Variants in HEPHL1 observed in about 807,000 individuals in gnomAD.
HEPHL1 encodes ferroxidase HEPHL1.
A neutral mutation model predicts 122.0 loss-of-function variants in HEPHL1; 123 were observed. The ratio of observed to expected loss-of-function variants is 1.01; its 90% CI spans 0.87 to 1.17. The LOEUF is 1.17. Ranked by LOEUF, HEPHL1 falls within the 50% of genes most tolerant of loss-of-function variation. HEPHL1 has a pLI of 0.00. For missense variants in HEPHL1, 1,452 were observed against 1,430.5 expected, an observed-to-expected ratio of 1.01 and a Z score of -0.24; for synonymous variants, 527 against 508.9, an observed-to-expected ratio of 1.04 and a Z score of -0.48.
At chr11:94,021,640 G>C in intron 1 of HEPHL1, 102 bp downstream of exon 1, 1 of 881,590 alleles carries the variant, frequency 1.1e-6, no homozygotes, top group Non-Finnish European at 1.8e-6. Flanking sequence ...GGGGTGAGTT[G>C]ATCTAGACCA....
At chr11:94,026,659 AC>A (rs1171231782) in intron 1 of HEPHL1, among the ~76,000 whole-genome samples, 1 of 152,202 alleles carries the variant, frequency 6.6e-6, no homozygotes, top group African/African-American at 2.4e-5. Flanking sequence ...AGGTTAGCAC[AC>A]CATGAAGTGG....
chr11:94,032,225 A>G (rs1945681946), intron 1 of HEPHL1, among the ~76,000 whole-genome samples: 1 of 152,176 alleles, frequency 6.6e-6, no homozygotes, highest in Admixed American at 6.5e-5. Context: ...TGGCCTTTAG[A>G]TCTGAGACCC....
chr11:94,105,956 C>G lies in HEPHL1; in HGVS notation c.2906-35C>G, dbSNP rs376983581. The G allele has an allele frequency of 3.2e-5, 46 of 1,459,796 alleles. No homozygotes were observed. In the Middle Eastern group the frequency reaches 9.0e-4, roughly 29 times the overall value. The allele number at this position is 1,459,796 out of a possible 1,614,324, so 90.4% of individuals were successfully genotyped here. Reference sequence around the variant, plus strand: ...TTTAAAAAATCAGCTTATCTTTTAACTAACCAAAGGTTATTTTCTTATCAC... The same window carrying G: ...TTTAAAAAATCAGCTTATCTTTTAAGTAACCAAAGGTTATTTTCTTATCAC... On this transcript the variant is annotated intron_variant, in intron 16 of 19. Transcript: ENST00000315765.
chr11:94,054,429 A>G (rs1181470954), intron 2 of HEPHL1, among the ~76,000 whole-genome samples: 1 of 151,166 alleles, frequency 6.6e-6, no homozygotes, highest in Non-Finnish European at 1.5e-5. Context: ...CAACAGAAGC[A>G]GATTCTTCAA....
intron 1 of HEPHL1, among the ~76,000 whole-genome samples, chr11:94,037,239 T>C (rs1945734126): frequency 6.6e-6 from 1 of 151,986 alleles, no homozygotes; most frequent in African/African-American, 2.4e-5. Context: ...GTCTCGCTGA[T>C]TGCTAGCACA....
In HEPHL1 at chr11:94,111,909, C is replaced by T; in HGVS notation, c.*15C>T. The T allele has an allele frequency of 6.7e-7, 1 of 1,496,950 alleles. No individual in the cohort carries two copies. The highest frequency in any genetic ancestry group is 8.9e-7 in the Non-Finnish European group (1 of 1,122,592). 92.7% of individuals were successfully genotyped at this position (1,496,950 alleles called of 1,614,324 possible). ...ATGCTCTGTGAACCATCTGGTCTCC[C>T]TCAACAGGAAAGGGTGATGTCCCAC... On this transcript the variant is annotated 3_prime_UTR_variant, in exon 20 of 20. Transcript: ENST00000315765.
At chr11:94,045,615 A>C in intron 1 of HEPHL1, 58 bp from the exon 2 acceptor site, 2 of 1,408,882 alleles carry the variant, frequency 1.4e-6, no homozygotes, top group African/African-American at 1.4e-5. Context: ...TCCTAGTGGT[A>C]AGCTATTAGG....
chr11:94,063,699 C>T lies in HEPHL1; in HGVS notation c.607C>T (p.Pro203Ser), dbSNP rs1946008175. The part of the protein sequence containing the change: ...PKDICSGLIG[P>S]LLVCKEGILN... ...GGACATCTGCTCTGGGCTAATTGGG[C>T]CCCTGCTGGTCTGCAAGGAAGGTAA... Residue 203 changes from proline to serine, a missense_variant, in exon 3 of 20, where the codon CCC becomes TCC. Pro to Ser is a moderately conservative substitution (Grantham distance 74). Coordinates refer to ENST00000315765, the MANE Select transcript of HEPHL1 (RefSeq NM_001098672.2). 2 of 1,613,502 alleles carry T rather than the reference C, an allele frequency of 1.2e-6. No homozygotes were observed. Among genetic ancestry groups the T allele is most frequent in the Non-Finnish European group, 8.5e-7 (1 of 1,179,736 alleles).
chr11:94,064,248 A>G (rs1238571433), intron 3 of HEPHL1, 83 bp from the exon 4 acceptor site: 9 of 1,061,904 alleles, frequency 8.5e-6, no homozygotes, highest in Non-Finnish European at 1.2e-5. Flanking sequence ...ACCAAACTTC[A>G]CACTTGCCTG....
intron 1 of HEPHL1, among the ~76,000 whole-genome samples, chr11:94,030,156 A>G (rs1258799261): frequency 6.6e-6 from 1 of 152,188 alleles, no homozygotes; most frequent in Non-Finnish European, 1.5e-5. Context: ...TTTACCCATC[A>G]GGCTGAACCC....
intron 10 of HEPHL1, among the ~76,000 whole-genome samples, chr11:94,083,083 T>TAAA (rs35037205): frequency 7.0e-6 from 1 of 142,250 alleles, no homozygotes; most frequent in Non-Finnish European, 1.5e-5. Context: ...AGACTCCGTC[T>TAAA]AAAAAAAAAA....
At position 94,107,736 on chromosome 11, in the gene HEPHL1, T is replaced by C. The variant is rs1407114313; in HGVS notation, c.3045+1606T>C. Among the ~76,000 whole-genome samples the C allele has an allele frequency of 1.4e-4, 22 of 152,252 alleles. 1 individual carries two copies. Among genetic ancestry groups the C allele is most frequent in the Admixed American group, 1.4e-3 (21 of 15,286 alleles). ...ATCAGTGGTTTGTTTCTTGTGACTG[T>C]TGAGTAGTATTCCATTGTAAGGATA... On this transcript the variant is annotated intron_variant, in intron 17 of 19. Coordinates refer to ENST00000315765, the MANE Select transcript of HEPHL1 (RefSeq NM_001098672.2).
intron 1 of HEPHL1, among the ~76,000 whole-genome samples, chr11:94,038,292 C>A (rs1945744140): frequency 6.8e-6 from 1 of 147,100 alleles, no homozygotes; most frequent in African/African-American, 2.5e-5. Context: ...TTGGAAAACA[C>A]TCTGCAGGAT....
intron 13 of HEPHL1, among the ~76,000 whole-genome samples, chr11:94,100,460 T>C (rs955738067): frequency 6.6e-5 from 10 of 152,196 alleles, no homozygotes; most frequent in Non-Finnish European, 1.0e-4. Flanking sequence ...CTCATCTCCA[T>C]TGGCACCCAG....
Position 94,088,889 on chromosome 11 carries a change from G to A in HEPHL1, c.2215G>A (p.Ala739Thr), listed in dbSNP as rs889695043. Residue 739 changes from alanine (A) to threonine (T), a missense_variant, in exon 12 of 20, where the codon GCT (alanine) becomes ACT (threonine). Transcript: ENST00000315765. Reference protein sequence around the residue: ...YGMIRTFYIAAEEVEWDYAPN... With the variant: ...YGMIRTFYIATEEVEWDYAPN... ...GATGATAAGAACTTTTTACATCGCC[G>A]CTGAAGAAGTAGAATGGGATTATGC... The A allele has an allele frequency of 1.2e-6, 2 of 1,613,972 alleles. No individual in the cohort carries two copies. The highest frequency in any genetic ancestry group is 1.7e-6 in the Non-Finnish European group (2 of 1,179,884).
Position 94,112,593 on chromosome 11 carries a change from G to A in HEPHL1, c.*699G>A, listed in dbSNP as rs1211148615. The A allele has an allele frequency of 6.6e-6, 1 of 152,130 alleles. No individual in the cohort carries two copies. Among genetic ancestry groups the A allele is most frequent in the Non-Finnish European group, 1.5e-5 (1 of 68,016 alleles). 9.4% of individuals were successfully genotyped at this position (152,130 alleles called of 1,614,324 possible). ...CTTGAATGTTTACAACTCACTTCATGTTACATGTTTTTACAATATGTTTCT... is the reference window on the plus strand; with the variant it reads ...CTTGAATGTTTACAACTCACTTCATATTACATGTTTTTACAATATGTTTCT... On this transcript the variant is annotated 3_prime_UTR_variant, in exon 20 of 20. Coordinates refer to ENST00000315765, the MANE Select transcript of HEPHL1 (RefSeq NM_001098672.2).
In HEPHL1 at chr11:94,045,726, A is replaced by G. The variant is rs769446236; in HGVS notation, c.224A>G (p.Lys75Arg). The part of the protein sequence containing the change: ...RGPNRIGSIY[K>R]KAVYRRFTDG... ...CCCAACAGGATAGGCAGTATTTACA[A>G]AAAGGCTGTTTACAGACGCTTCACG... Residue 75 changes from lysine (K) to arginine (R), a missense_variant, in exon 2 of 20, where the codon AAA (lysine) becomes AGA (arginine). Lys to Arg is a conservative substitution (Grantham distance 26). Transcript: ENST00000315765. 9.3e-6 allele frequency: 15 copies of G among 1,613,436 alleles called. No homozygotes were observed. The East Asian group carries it at 2.7e-4, about 29-fold the overall frequency.
chr11:94,107,382 T>C (rs1158237216), intron 17 of HEPHL1, among the ~76,000 whole-genome samples: 1 of 152,166 alleles, frequency 6.6e-6, no homozygotes, highest in Non-Finnish European at 1.5e-5. Context: ...TACACAAAAT[T>C]ATAAAAATTT....
At chr11:94,034,880 C>T (rs1179272765) in intron 1 of HEPHL1, among the ~76,000 whole-genome samples, 2 of 152,100 alleles carry the variant, frequency 1.3e-5, no homozygotes, top group Non-Finnish European at 2.9e-5. Flanking sequence ...AAGGAAGGGG[C>T]TTGATCCAGT....
Sources: allele counts gnomAD v4.1 joint callset (sites outside exome capture counted in the v4.1 genomes callset), GRCh38; gene constraint gnomAD v4.1.1; transcripts MANE v1.5; gene names NCBI Gene and HGNC (gene_info 2026-07-23, HGNC 2026-07-21).